Variants in MAOB observed in about 807,000 individuals in gnomAD.
MAOB encodes the protein monoamine oxidase B, also known as amine oxidase [flavin-containing] B.
In MAOB, 15 loss-of-function variants were observed where a neutral mutation model predicts 41.9. That is an observed-to-expected ratio of 0.36 (90% CI 0.24 to 0.55). MAOB has a LOEUF of 0.55. MAOB is among the 20% of genes least tolerant of loss of function. MAOB has a pLI of 0.86. For synonymous variants in MAOB, 167 were observed against 144.2 expected (o/e 1.16, Z -1.13); for missense variants, 345 against 398.7 (o/e 0.87, Z 1.15).
At chrX:43,779,469 A>T (rs188740781) in intron 10 of MAOB, among the ~76,000 whole-genome samples, 1 of 112,269 alleles carries the variant, frequency 8.9e-6, no homozygotes, top group Non-Finnish European at 1.9e-5. Flanking sequence ...TCTATGTATG[A>T]TAGATACTCA....
At chrX:43,776,103 G>A (rs1569209329) in intron 11 of MAOB, among the ~76,000 whole-genome samples, 3 of 112,120 alleles carry the variant, frequency 2.7e-5, no homozygotes, top group African/African-American at 3.2e-5. Context: ...GTATCACCAC[G>A]CTACACGCCC....
At chrX:43,836,642 C>T (rs1011734545) in intron 3 of MAOB, among the ~76,000 whole-genome samples, 4 of 111,910 alleles carry the variant, frequency 3.6e-5, no homozygotes, top group South Asian at 7.4e-4. Flanking sequence ...TACAGGAATA[C>T]GAAAATCTAC....
At chrX:43,809,064 C>G (rs2034709308) in intron 3 of MAOB, among the ~76,000 whole-genome samples, 2 of 110,969 alleles carry the variant, frequency 1.8e-5, no homozygotes, top group South Asian at 7.7e-4. Context: ...CTTCCTTTCC[C>G]CAGAGATAAA....
intron 3 of MAOB, among the ~76,000 whole-genome samples, chrX:43,822,616 T>A (rs1293985819): frequency 8.9e-6 from 1 of 112,065 alleles, no homozygotes; most frequent in Non-Finnish European, 1.9e-5. Context: ...CTTTACCAAC[T>A]GGACTGAGAT....
chrX:43,781,658 T>C (rs1481762149), intron 8 of MAOB, 114 bp from the exon 9 acceptor site: 1 of 389,038 alleles, frequency 2.6e-6, no homozygotes, highest in Non-Finnish European at 4.3e-6. Flanking sequence ...AAATAAAGCA[T>C]GTTATACTCC....
chrX:43,852,589 T>C (rs1348222020), intron 1 of MAOB, among the ~76,000 whole-genome samples: 1 of 112,164 alleles, frequency 8.9e-6, no homozygotes, highest in Non-Finnish European at 1.9e-5. Context: ...AAAAATTTCA[T>C]AGTAAGAGAA....
chrX:43,796,864 A>G (rs1259403478), intron 6 of MAOB, among the ~76,000 whole-genome samples: 2 of 112,069 alleles, frequency 1.8e-5, no homozygotes, highest in African/African-American at 6.5e-5. Flanking sequence ...CAAACTTACC[A>G]AATAATAATT....
rs185122473 is a variant in MAOB at position 43,850,749 on chromosome X, A to G, written c.47-6985T>C. Among the ~76,000 whole-genome samples the G allele has an allele frequency of 6.2e-5, 7 of 112,223 alleles. No homozygotes were observed. The East Asian group carries it at 2.0e-3, about 31-fold the overall frequency. On this transcript the variant is annotated intron_variant, in intron 1 of 14. Coordinates refer to ENST00000378069, the MANE Select transcript of MAOB (RefSeq NM_000898.5). The stretch of plus-strand genomic sequence containing the variant: ...GAAAACAAATGGCAATAGCTTGTAA[A>G]ATAATGGAGACCTTTACTGAAGCCT...
chrX:43,798,888 T>A (rs983372223), intron 5 of MAOB, among the ~76,000 whole-genome samples: 2 of 111,792 alleles, frequency 1.8e-5, no homozygotes, highest in Non-Finnish European at 3.8e-5. Flanking sequence ...ACAGTTCACA[T>A]GCTAGAAAAC....
chrX:43,833,567 A>G (rs2035041008), intron 3 of MAOB, among the ~76,000 whole-genome samples: 1 of 111,574 alleles, frequency 9.0e-6, no homozygotes, highest in Admixed American at 9.6e-5. Flanking sequence ...CTTGGCCATA[A>G]CACATGATCA....
intron 3 of MAOB, among the ~76,000 whole-genome samples, chrX:43,807,212 G>T (rs2034675757): frequency 8.9e-6 from 1 of 112,186 alleles, no homozygotes; most frequent in South Asian, 3.7e-4. Context: ...AGAAACCTGT[G>T]GATTGATCCA....
intron 1 of MAOB, among the ~76,000 whole-genome samples, chrX:43,845,639 C>T (rs2035193560): frequency 8.9e-6 from 1 of 112,272 alleles, no homozygotes; most frequent in South Asian, 3.8e-4. Context: ...TGGCCATCCT[C>T]TTCATTGATT....
At chrX:43,812,278 C>G (rs199862598) in intron 3 of MAOB, among the ~76,000 whole-genome samples, 1 of 112,359 alleles carries the variant, frequency 8.9e-6, no homozygotes, top group African/African-American at 3.2e-5. Context: ...CAAATGTTGG[C>G]TATTGTGAAC....
At chrX:43,868,855 T>TTG (rs113529000) in intron 1 of MAOB, among the ~76,000 whole-genome samples, 5,657 of 103,359 alleles carry the variant, frequency 0.055, 309 homozygotes, top group African/African-American at 0.17. Context: ...ACATCAATTC[T>TTG]TGTGTGTGTG....
chrX:43,777,008 A>G (rs558717231), intron 11 of MAOB, among the ~76,000 whole-genome samples: 1 of 110,517 alleles, frequency 9.0e-6, no homozygotes, highest in Admixed American at 9.6e-5. Flanking sequence ...CCAGTCTATC[A>G]TTGTTGGACA....
intron 3 of MAOB, among the ~76,000 whole-genome samples, chrX:43,804,534 T>C (rs768091845): frequency 9.0e-6 from 1 of 111,193 alleles, no homozygotes; most frequent in South Asian, 3.8e-4. Flanking sequence ...ATGATATTGA[T>C]ATAGATATAG....
intron 1 of MAOB, among the ~76,000 whole-genome samples, chrX:43,863,835 C>T (rs920974387): frequency 9.0e-6 from 1 of 111,636 alleles, no homozygotes; most frequent in African/African-American, 3.3e-5. Flanking sequence ...GAAATGCCAT[C>T]CCAAAGTCAA....
chrX:43,768,055 A>G (rs777673149), intron 14 of MAOB, among the ~76,000 whole-genome samples: 37 of 111,767 alleles, frequency 3.3e-4, no homozygotes, highest in Non-Finnish European at 6.0e-4. Context: ...CACTAAGAGA[A>G]TGACTGTGGA....
At chrX:43,819,021 G>A (rs2034851474) in intron 3 of MAOB, among the ~76,000 whole-genome samples, 1 of 111,504 alleles carries the variant, frequency 9.0e-6, no homozygotes, top group Non-Finnish European at 1.9e-5. Context: ...CAGGATTCAT[G>A]ACTCTATTGA....
Sources: allele counts gnomAD v4.1 joint callset (sites outside exome capture counted in the v4.1 genomes callset), GRCh38; gene constraint gnomAD v4.1.1; transcripts MANE v1.5; gene names NCBI Gene and HGNC (gene_info 2026-07-23, HGNC 2026-07-21).